KATNBL1: variants seen among roughly 807,000 people sequenced by gnomAD.
KATNBL1 encodes KATNB1-like protein 1.
In KATNBL1, 28 loss-of-function variants were observed where a neutral mutation model predicts 44.7. That is an observed-to-expected ratio of 0.63 (90% CI 0.46 to 0.86). The LOEUF (loss-of-function observed/expected upper bound fraction) is 0.86. Ranked by LOEUF, KATNBL1 falls within the 40% of genes least tolerant of loss-of-function variation. The probability of loss-of-function intolerance (pLI) is 0.00; values close to 1 mark genes in which losing one functional copy is unlikely to be tolerated. For missense variants in KATNBL1, 272 were observed against 350.7 expected (o/e 0.78, Z 1.79); for synonymous variants, 78 against 114.9 (o/e 0.68, Z 2.06).
At chr15:34,201,876 T>C (rs1890184216) in intron 1 of KATNBL1, among the ~76,000 whole-genome samples, 1 of 152,238 alleles carries the variant, frequency 6.6e-6, no homozygotes, top group Non-Finnish European at 1.5e-5. Context: ...TGTAGACTTA[T>C]TTTTCTCATC....
chr15:34,157,935 GACT>G (rs374418775), intron 2 of KATNBL1, among the ~76,000 whole-genome samples: 19 of 152,194 alleles, frequency 1.2e-4, no homozygotes, highest in African/African-American at 1.7e-4. Flanking sequence ...CTAATGTTTT[GACT>G]ACATTATTAG....
chr15:34,185,563 G>A (rs949253615), intron 1 of KATNBL1, among the ~76,000 whole-genome samples: 8 of 152,186 alleles, frequency 5.3e-5, no homozygotes, highest in African/African-American at 1.9e-4. Flanking sequence ...ATAACCTCCA[G>A]TGAACAATGA....
intron 1 of KATNBL1, among the ~76,000 whole-genome samples, chr15:34,164,815 T>G (rs1888916696): frequency 6.6e-6 from 1 of 152,244 alleles, no homozygotes; most frequent in Non-Finnish European, 1.5e-5. Context: ...TTTAGGAAAC[T>G]TTTTGAAAAT....
chr15:34,146,994 CA>C, intron 7 of KATNBL1, 144 bp from the exon 8 acceptor site: 1 of 649,806 alleles, frequency 1.5e-6, no homozygotes, highest in East Asian at 2.7e-5. Flanking sequence ...ATCTATTACA[CA>C]AAAGTATATT....
chr15:34,189,199 T>C (rs1889806188), intron 1 of KATNBL1, among the ~76,000 whole-genome samples: 1 of 152,214 alleles, frequency 6.6e-6, no homozygotes, highest in South Asian at 2.1e-4. Flanking sequence ...TAATTTTGTA[T>C]TTTTAGTAGA....
At chr15:34,163,501 T>C in intron 2 of KATNBL1, 59 bp downstream of exon 2, 2 of 1,542,670 alleles carry the variant, frequency 1.3e-6, no homozygotes, top group Non-Finnish European at 1.7e-6. Flanking sequence ...CAACCAGAGA[T>C]ATCTAGAGAC....
rs1024762788 is a variant in KATNBL1, at chr15:34,141,334, T to TAA, written c.*1003_*1004dup. On this transcript the variant is annotated 3_prime_UTR_variant, in exon 10 of 10. Coordinates refer to ENST00000256544, the MANE Select transcript of KATNBL1 (RefSeq NM_024713.3). The stretch of plus-strand genomic sequence containing the variant: ...TTCTAAATCACTGTATGTAACTCTT[T>TAA]AAAACATATGTAGTGAAAAAGAATT... 2.3e-4 allele frequency: 35 copies of TAA among 152,688 alleles called. No homozygotes were observed. Among genetic ancestry groups the TAA allele is most frequent in the African/African-American group, 8.2e-4 (34 of 41,568 alleles). The allele number at this position is 152,688 out of a possible 1,614,324, so 9.5% of individuals were successfully genotyped here. A position where few individuals can be genotyped will look rare whatever the true frequency, so the allele number is the denominator to read the frequency against.
chr15:34,179,172 T>C (rs1284793564), intron 1 of KATNBL1, among the ~76,000 whole-genome samples: 3 of 152,054 alleles, frequency 2.0e-5, no homozygotes, highest in Admixed American at 2.0e-4. Context: ...AGAACAGAGG[T>C]TTATTTTGTT....
chr15:34,177,096 A>G (rs1482306599), intron 1 of KATNBL1, among the ~76,000 whole-genome samples: 1 of 152,260 alleles, frequency 6.6e-6, no homozygotes, highest in African/African-American at 2.4e-5. Context: ...TCTTAAGAGA[A>G]TAAAAGATTG....
intron 4 of KATNBL1, among the ~76,000 whole-genome samples, chr15:34,150,212 G>T (rs2140905276): frequency 6.6e-6 from 1 of 152,320 alleles, no homozygotes; most frequent in East Asian, 1.9e-4. Flanking sequence ...TAGTGAAAAT[G>T]AGAATGTAAA....
At chr15:34,194,244 G>A (rs1889971871) in intron 1 of KATNBL1, among the ~76,000 whole-genome samples, 1 of 152,118 alleles carries the variant, frequency 6.6e-6, no homozygotes, top group Non-Finnish European at 1.5e-5. Context: ...CCAGCCTGCA[G>A]TTTAGTTTTA....
chr15:34,197,576 C>T (rs548089031), intron 1 of KATNBL1, among the ~76,000 whole-genome samples: 53 of 152,276 alleles, frequency 3.5e-4, no homozygotes, highest in African/African-American at 1.2e-3. Flanking sequence ...TCTATATGTG[C>T]ATATGTAGCA....
At chr15:34,205,647 T>TTGTACTC (rs774714054) in intron 1 of KATNBL1, among the ~76,000 whole-genome samples, 47 of 152,174 alleles carry the variant, frequency 3.1e-4, no homozygotes, top group Non-Finnish European at 5.9e-4. Context: ...TGTACTCTGG[T>TTGTACTC]TGGTTTGCAT....
At chr15:34,169,802 G>C (rs1306537771) in intron 1 of KATNBL1, among the ~76,000 whole-genome samples, 1 of 152,138 alleles carries the variant, frequency 6.6e-6, no homozygotes, top group Non-Finnish European at 1.5e-5. Flanking sequence ...ATCAGTAAAC[G>C]TAATCCATCG....
intron 1 of KATNBL1, among the ~76,000 whole-genome samples, chr15:34,184,134 T>C (rs545874260): frequency 3.9e-5 from 6 of 152,168 alleles, no homozygotes; most frequent in Admixed American, 2.0e-4. Context: ...AAACCCCGTC[T>C]CTACTGAAAA....
At chr15:34,203,668 A>C (rs1264280173) in intron 1 of KATNBL1, among the ~76,000 whole-genome samples, 1 of 152,220 alleles carries the variant, frequency 6.6e-6, no homozygotes, top group Non-Finnish European at 1.5e-5. Flanking sequence ...TGTACCTAGA[A>C]TAGATACACT....
intron 5 of KATNBL1, among the ~76,000 whole-genome samples, 169 bp from the exon 6 acceptor site, chr15:34,147,599 T>A (rs1374143853): frequency 1.3e-5 from 2 of 151,706 alleles, no homozygotes; most frequent in African/African-American, 4.9e-5. Flanking sequence ...AGGGCTTGTA[T>A]TCCAGTGTGT....
intron 1 of KATNBL1, among the ~76,000 whole-genome samples, chr15:34,191,304 A>G (rs1323157184): frequency 6.6e-6 from 1 of 151,918 alleles, no homozygotes; most frequent in African/African-American, 2.4e-5. Context: ...ATAACAGTCT[A>G]TTAGGTGGCT....
In KATNBL1 at chr15:34,181,582, A is replaced by ACATATATATGTCCATATATATATC. The variant is rs1567531880; in HGVS notation, c.-14-17893_-14-17892insGATATATATATGGACATATATATG. ...TGTCCATATATATATCCATATATAT[A>ACATATATATGTCCATATATATATC]CATATATATACACATATATATGTCC... On this transcript the variant is annotated intron_variant, in intron 1 of 9. Coordinates refer to ENST00000256544, the MANE Select transcript of KATNBL1 (RefSeq NM_024713.3). Among the ~76,000 whole-genome samples, 501 of 60,010 alleles carry ACATATATATGTCCATATATATATC rather than the reference A, an allele frequency of 8.3e-3. 21 individuals are homozygous for ACATATATATGTCCATATATATATC. Among genetic ancestry groups the ACATATATATGTCCATATATATATC allele is most frequent in the African/African-American group, 0.021 (465 of 22,628 alleles). 39.4% of individuals were successfully genotyped at this position (60,010 alleles called of 152,430 possible).
Sources: allele counts gnomAD v4.1 joint callset (sites outside exome capture counted in the v4.1 genomes callset), GRCh38; gene constraint gnomAD v4.1.1; transcripts MANE v1.5; gene names NCBI Gene and HGNC (gene_info 2026-07-23, HGNC 2026-07-21).